Variants in CBX3 observed in about 807,000 individuals in gnomAD.
CBX3 encodes the protein chromobox 3, also known as chromobox protein homolog 3.
Under a neutral mutation model 22.6 loss-of-function variants are expected in CBX3, and 5 were observed. The ratio of observed to expected loss-of-function variants is 0.22; its 90% CI spans 0.12 to 0.47. CBX3 has a LOEUF of 0.47. Among genes scored for constraint, CBX3 ranks in the 20% least tolerant of loss-of-function variants. CBX3 has a pLI of 0.99. For synonymous variants in CBX3, 50 were observed against 66.6 expected, an observed-to-expected ratio of 0.75 and a Z score of 1.21; for missense variants, 83 against 208.1, an observed-to-expected ratio of 0.40 and a Z score of 3.70.
chr7:26,204,242 T>G (rs1020586770), intron 2 of CBX3, among the ~76,000 whole-genome samples: 1 of 151,054 alleles, frequency 6.6e-6, no homozygotes, highest in Non-Finnish European at 1.5e-5. Context: ...TTTTTTTTTT[T>G]GTAAACCTTA....
chr7:26,205,348 T>C (rs939057224), intron 2 of CBX3, among the ~76,000 whole-genome samples: 14 of 152,206 alleles, frequency 9.2e-5, no homozygotes, highest in Non-Finnish European at 1.0e-4. Context: ...GACTTTCTCT[T>C]GAGAAACCAG....
intron 2 of CBX3, among the ~76,000 whole-genome samples, chr7:26,203,461 A>C (rs984854339): frequency 6.6e-6 from 1 of 152,220 alleles, no homozygotes; most frequent in African/African-American, 2.4e-5. Flanking sequence ...AAGTCATTGA[A>C]TCTTTCAAAT....
intron 2 of CBX3, 27 bp from the exon 3 acceptor site, chr7:26,206,341 C>A (rs1239928216): frequency 9.3e-7 from 1 of 1,069,724 alleles, no homozygotes. Flanking sequence ...AGGAATATTT[C>A]TTAATTTCTC....
At chr7:26,209,342 G>T (rs1170931254) in intron 4 of CBX3, among the ~76,000 whole-genome samples, 6 of 152,172 alleles carry the variant, frequency 3.9e-5, no homozygotes, top group African/African-American at 1.4e-4. Context: ...TGCAGTAAGT[G>T]CTCATGCCAC....
chr7:26,208,917 CTTTTTTTTTTTTTTT>C (rs59657982), intron 4 of CBX3, among the ~76,000 whole-genome samples: 240 of 27,950 alleles, frequency 8.6e-3, no homozygotes, highest in Middle Eastern at 0.029. Context: ...CACGCCTGGC[CTTTTTTTTTTTTTTT>C]TTTTTTTTTT....
intron 2 of CBX3, among the ~76,000 whole-genome samples, chr7:26,204,623 C>A (rs1051538419): frequency 6.6e-6 from 1 of 152,134 alleles, no homozygotes; most frequent in African/African-American, 2.4e-5. Context: ...GTCTTGAGGC[C>A]TTTCTTACAT....
Position 26,204,972 on chromosome 7 carries a change from A to G in CBX3, c.25-1396A>G, listed in dbSNP as rs191342675. 3.1e-3 allele frequency among the ~76,000 whole-genome samples: 471 copies of G among 152,236 alleles called. 3 individuals are homozygous for G. Among genetic ancestry groups the G allele is most frequent in the African/African-American group, 0.011 (458 of 41,538 alleles). ...GCCTGGCTAATTTTGTATTTTTAGT[A>G]GAAACGGGGTTTCTCCATGTTGGTC... On this transcript the variant is annotated intron_variant, in intron 2 of 5. Transcript: ENST00000396386.
At chr7:26,206,092 CAA>C (rs887163523) in intron 2 of CBX3, 2 of 297,326 alleles carry the variant, frequency 6.7e-6, no homozygotes, top group South Asian at 3.7e-5. Flanking sequence ...GACCCTGTCT[CAA>C]AAAAAAAGAC....
Position 26,208,500 on chromosome 7 carries a change from A to G in CBX3, c.275A>G (p.Lys92Arg). The change falls in exon 4 of 6, where the codon AAA becomes AGA. Residue 92 changes from lysine (K) to arginine (R), a missense_variant. This residue lies in a region of CBX3 where 59 missense variants were observed against 155.0 expected (regional missense o/e 0.38). Coordinates refer to ENST00000396386, the MANE Select transcript of CBX3 (RefSeq NM_016587.4). ...AAAGAAAAAGATGGTACAAAAAGAA[A>G]ATCTTTATCTGACAGTGAATCTGAT... ...AGKEKDGTKR[K>R]SLSDSESDDS... 1.2e-6 allele frequency: 2 copies of G among 1,613,890 alleles called. No individual in the cohort carries two copies. Among genetic ancestry groups the G allele is most frequent in the Non-Finnish European group, 1.7e-6 (2 of 1,179,802 alleles).
intron 4 of CBX3, among the ~76,000 whole-genome samples, chr7:26,210,980 C>G (rs1348717195): frequency 6.6e-6 from 1 of 151,424 alleles, no homozygotes; most frequent in Non-Finnish European, 1.5e-5. Context: ...TACTTTCTAG[C>G]GCAGGGGGTC....
At chr7:26,211,192 A>T (rs1197825718) in intron 4 of CBX3, among the ~76,000 whole-genome samples, 1 of 152,194 alleles carries the variant, frequency 6.6e-6, no homozygotes, top group Non-Finnish European at 1.5e-5. Context: ...GTTTGTTCTA[A>T]CATTTACTAT....
In CBX3 at chr7:26,213,363, G is replaced by C. The variant is rs1374304784; in HGVS notation, c.*1155G>C. 4 of 76,816 alleles carry C rather than the reference G, an allele frequency of 5.2e-5. No homozygotes were observed. The East Asian group carries it at 1.8e-3, about 35-fold the overall frequency. 4.8% of individuals were successfully genotyped at this position (76,816 alleles called of 1,614,324 possible). A position where few individuals can be genotyped will look rare whatever the true frequency, so the allele number is the denominator to read the frequency against. On this transcript the variant is annotated 3_prime_UTR_variant, in exon 6 of 6. Transcript: ENST00000396386. Reference sequence around the variant, plus strand: ...TTTATATTCCTTTATGCAATTATTAGACTTTTTTCTTTATTTGATATGCCT... The same window carrying C: ...TTTATATTCCTTTATGCAATTATTACACTTTTTTCTTTATTTGATATGCCT...
At chr7:26,208,700 A>G (rs1268228061) in intron 4 of CBX3, 145 bp downstream of exon 4, 20 of 645,676 alleles carry the variant, frequency 3.1e-5, no homozygotes, top group Non-Finnish European at 4.8e-5. Flanking sequence ...GGTCACTGCA[A>G]CTGCCGCCTC....
At chr7:26,205,443 T>C (rs1006931582) in intron 2 of CBX3, among the ~76,000 whole-genome samples, 2 of 152,198 alleles carry the variant, frequency 1.3e-5, no homozygotes, top group African/African-American at 2.4e-5. Context: ...AGTTTTGTTC[T>C]AAGTGGTAGG....
intron 2 of CBX3, among the ~76,000 whole-genome samples, chr7:26,205,617 G>T (rs935554952): frequency 6.6e-6 from 1 of 152,034 alleles, no homozygotes; most frequent in Admixed American, 6.5e-5. Flanking sequence ...ATTAATATTT[G>T]AATTGAGAAG....
In CBX3 at chr7:26,202,986, T is replaced by A; in HGVS notation, c.-13T>A. On this transcript the variant is annotated 5_prime_UTR_variant, in exon 2 of 6. Coordinates refer to ENST00000396386, the MANE Select transcript of CBX3 (RefSeq NM_016587.4). ...ATTTTTCTAGTAATAGCTCTTCAAG[T>A]CTGCAATAAAAAATGGCCTCCAACA... 6.2e-7 allele frequency: 1 copy of A among 1,606,070 alleles called. No homozygotes were observed. Among genetic ancestry groups the A allele is most frequent in the Non-Finnish European group, 8.5e-7 (1 of 1,173,134 alleles).
intron 4 of CBX3, chr7:26,210,498 CCAT>C (rs767730785): frequency 2.0e-5 from 3 of 152,098 alleles, no homozygotes; most frequent in Non-Finnish European, 2.9e-5. Flanking sequence ...TGGGGTAGGT[CCAT>C]CATTCTCACC....
chr7:26,204,713 T>G (rs1014655411), intron 2 of CBX3, among the ~76,000 whole-genome samples: 2 of 152,204 alleles, frequency 1.3e-5, no homozygotes, highest in East Asian at 3.9e-4. Context: ...TTTTTTCTGC[T>G]TGCTGCTTTA....
intron 1 of CBX3, chr7:26,202,488 G>C (rs1784543093): frequency 6.5e-6 from 1 of 153,184 alleles, no homozygotes; most frequent in South Asian, 2.0e-4. Context: ...CACGAAACGG[G>C]GTTGAAGCAT....
Sources: gnomAD v4.1 joint callset for allele counts (sites outside exome capture counted in the v4.1 genomes callset) on GRCh38, gnomAD v4.1.1 for gene constraint, gnomAD v4.1.1 regional missense constraint, MANE v1.5 for transcripts, NCBI Gene and HGNC (gene_info 2026-07-23, HGNC 2026-07-21) for gene names.